PPIH: variants seen among roughly 807,000 people sequenced by gnomAD.
The protein encoded by PPIH is peptidyl-prolyl cis-trans isomerase H.
Under a neutral mutation model 27.6 loss-of-function variants are expected in PPIH, and 16 were observed. The observed-to-expected ratio is 0.58, with a 90% CI of 0.39 to 0.88. PPIH has a LOEUF of 0.88. PPIH is among the 40% of genes least tolerant of loss of function. The pLI is 0.00. For missense variants in PPIH, 155 were observed against 224.1 expected (o/e 0.69, Z 1.97); for synonymous variants, 63 against 76.1 (o/e 0.83, Z 0.90).
At position 42,667,410 on chromosome 1, in the gene PPIH, G is replaced by A. The variant is rs779496296; in HGVS notation, c.525G>A (p.Gly175=). Residue 175 remains glycine, a synonymous_variant, in exon 9 of 10, where the codon GGG becomes GGA. Coordinates refer to ENST00000304979, the MANE Select transcript of PPIH (RefSeq NM_006347.4). Reference sequence around the variant, plus strand: ...TACCTGTGGTGATCTCGCAGTGTGGGGAGATGTAGTCCAGACAAAGACTGA... The same window carrying A: ...TACCTGTGGTGATCTCGCAGTGTGGAGAGATGTAGTCCAGACAAAGACTGA... The part of the protein sequence containing the change: ...PKLPVVISQC[G]EM 114 of 1,600,932 alleles carry A rather than the reference G, an allele frequency of 7.1e-5. No individual in the cohort carries two copies. The Admixed American group carries it at 1.9e-3, about 26-fold the overall frequency.
intron 7 of PPIH, 96 bp from the exon 8 acceptor site, chr1:42,666,451 A>G: frequency 8.1e-7 from 1 of 1,231,752 alleles, no homozygotes; most frequent in Non-Finnish European, 1.2e-6. Flanking sequence ...TAAAGTTAGT[A>G]TGAGGGTTTA....
downstream of PPIH, among the ~76,000 whole-genome samples, chr1:42,679,178 A>G (rs1649965514): frequency 6.6e-6 from 1 of 152,208 alleles, no homozygotes; most frequent in South Asian, 2.1e-4. Context: ...TGGTGCTTGT[A>G]GAGAGGTGGC....
At chr1:42,659,423 A>G (rs771247146) in intron 3 of PPIH, 99 bp from the exon 4 acceptor site, 34 of 1,614,022 alleles carry the variant, frequency 2.1e-5, no homozygotes, top group East Asian at 2.2e-5. Context: ...ATGTCTGTCA[A>G]CCATCTTTAG....
chr1:42,658,586 G>A lies in PPIH; in HGVS notation c.66+74G>A, dbSNP rs1648790725. The A allele has an allele frequency of 1.1e-5, 17 of 1,497,304 alleles. No homozygotes were observed. In the South Asian group the frequency reaches 1.3e-4, roughly 11 times the overall value. The allele number at this position is 1,497,304 out of a possible 1,614,324, so 92.8% of individuals were successfully genotyped here. A position where few individuals can be genotyped will look rare whatever the true frequency, so the allele number is the denominator to read the frequency against. On this transcript the variant is annotated intron_variant, in intron 1 of 9. Transcript: ENST00000304979. ...GGGCTAGGCAGGCAGAACTCACCCA[G>A]AGAGAGCGGACTCGGGAAGCCAGCC... is the stretch of plus-strand genomic sequence containing the variant.
At chr1:42,672,926 G>C (rs1054704603) in intron 9 of PPIH, among the ~76,000 whole-genome samples, 8 of 152,106 alleles carry the variant, frequency 5.3e-5, no homozygotes, top group African/African-American at 1.9e-4. Context: ...TGGGATTACA[G>C]GCGTGAGCCA....
At chr1:42,679,824 A>G (rs1649977772), downstream of PPIH, among the ~76,000 whole-genome samples, 1 of 152,256 alleles carries the variant, frequency 6.6e-6, no homozygotes, top group Admixed American at 6.5e-5. Context: ...GCTGGAACAC[A>G]TGAACAACAG....
At chr1:42,680,518 G>A (rs1278353537), downstream of PPIH, among the ~76,000 whole-genome samples, 2 of 152,138 alleles carry the variant, frequency 1.3e-5, no homozygotes, top group Non-Finnish European at 2.9e-5. Flanking sequence ...TATGGAATCT[G>A]GACTACCCTA....
intron 4 of PPIH, among the ~76,000 whole-genome samples, chr1:42,660,146 T>C (rs1479263574): frequency 6.6e-6 from 1 of 152,200 alleles, no homozygotes; most frequent in Non-Finnish European, 1.5e-5. Flanking sequence ...TTAAGGACCC[T>C]CCCTAGGGGT....
At chr1:42,675,440 C>T (rs922547000) in intron 9 of PPIH, 1 of 152,216 alleles carries the variant, frequency 6.6e-6, no homozygotes, top group African/African-American at 2.4e-5. Context: ...TATACTGTAT[C>T]ACAAATATGT....
chr1:42,666,657 G>A lies in PPIH; in HGVS notation c.465+70G>A, dbSNP rs1183114944. 2.7e-6 allele frequency: 4 copies of A among 1,480,800 alleles called. No individual in the cohort carries two copies. The East Asian group carries it at 9.1e-5, about 34-fold the overall frequency. The allele number at this position is 1,480,800 out of a possible 1,614,324, so 91.7% of individuals were successfully genotyped here. ...GGTACTGTCTGACTAGCGTGCAGGA[G>A]CTAGAGAAGGGGGAATGAGCTCCAG... is the stretch of plus-strand genomic sequence containing the variant. On this transcript the variant is annotated intron_variant, in intron 8 of 9. Coordinates refer to ENST00000304979, the MANE Select transcript of PPIH (RefSeq NM_006347.4).
chr1:42,658,795 C>A, intron 1 of PPIH, 49 bp from the exon 2 acceptor site: 1 of 1,595,322 alleles, frequency 6.3e-7, no homozygotes, highest in Non-Finnish European at 8.6e-7. Flanking sequence ...CTCCGTGAAG[C>A]CCTCATGGTC....
intron 9 of PPIH, among the ~76,000 whole-genome samples, 159 bp from the exon 10 acceptor site, chr1:42,676,425 G>A (rs1170797893): frequency 1.3e-5 from 2 of 151,666 alleles, no homozygotes; most frequent in African/African-American, 4.9e-5. Context: ...CCGAGATCGC[G>A]CCACTGTACT....
chr1:42,658,638 C>T (rs1194585947), intron 1 of PPIH, 126 bp downstream of exon 1: 2 of 1,206,100 alleles, frequency 1.7e-6, no homozygotes, highest in African/African-American at 1.5e-5. Context: ...CCCGAACCTA[C>T]CGACCTGCCG....
chr1:42,665,717 A>G (rs1385002926), intron 6 of PPIH, among the ~76,000 whole-genome samples: 1 of 151,780 alleles, frequency 6.6e-6, no homozygotes, highest in African/African-American at 2.4e-5. Context: ...AGGTGTGGTG[A>G]CACACACCTG....
downstream of PPIH, chr1:42,681,464 C>T (rs1225508015): frequency 6.6e-6 from 1 of 152,124 alleles, no homozygotes; most frequent in African/African-American, 2.4e-5. Flanking sequence ...CTATTCCATC[C>T]CCAGCCGATA....
At chr1:42,661,808 G>A (rs1051625021) in intron 5 of PPIH, among the ~76,000 whole-genome samples, 6 of 152,108 alleles carry the variant, frequency 3.9e-5, no homozygotes, top group African/African-American at 1.4e-4. Flanking sequence ...TGATTCATCT[G>A]CATGGTGTTG....
intron 5 of PPIH, among the ~76,000 whole-genome samples, chr1:42,663,373 A>G (rs938702698): frequency 2.0e-5 from 3 of 152,100 alleles, no homozygotes; most frequent in Non-Finnish European, 4.4e-5. Context: ...TCCCAGCTCT[A>G]AGTGATAGAT....
downstream of PPIH, among the ~76,000 whole-genome samples, chr1:42,680,798 A>C (rs1428172230): frequency 1.3e-5 from 2 of 152,228 alleles, no homozygotes; most frequent in African/African-American, 4.8e-5. Context: ...GTAAAAATTA[A>C]GGCTGTTTTC....
At chr1:42,658,651 CG>C in intron 1 of PPIH, 139 bp downstream of exon 1, 8 of 1,165,542 alleles carry the variant, frequency 6.9e-6, no homozygotes, top group Admixed American at 2.2e-5. Flanking sequence ...ACCTGCCGGG[CG>C]GGGGGAAAGG....
Sources: gnomAD v4.1 joint callset for allele counts (sites outside exome capture counted in the v4.1 genomes callset) on GRCh38, gnomAD v4.1.1 for gene constraint, MANE v1.5 for transcripts, NCBI Gene and HGNC (gene_info 2026-07-23, HGNC 2026-07-21) for gene names.